The following ICE2 variants were observed in gnomAD, a reference collection of about 807,000 sequenced individuals.
ICE2 encodes little elongation complex subunit 2.
In ICE2, 87 loss-of-function variants were observed where a neutral mutation model predicts 105.4. The observed-to-expected ratio is 0.83, with a 90% CI of 0.69 to 0.99. ICE2 has a LOEUF of 0.99. ICE2 is among the 50% of genes least tolerant of loss of function. The probability of loss-of-function intolerance (pLI) is 0.00; values close to 1 mark genes in which losing one functional copy is unlikely to be tolerated. For synonymous variants in ICE2, 399 were observed against 392.0 expected, an observed-to-expected ratio of 1.02 and a Z score of -0.21; for missense variants, 1,323 against 1,146.7, an observed-to-expected ratio of 1.15 and a Z score of -2.22.
At chr15:60,477,888 A>G in intron 2 of ICE2, 49 bp downstream of exon 2, 1 of 1,465,878 alleles carries the variant, frequency 6.8e-7, no homozygotes. Flanking sequence ...GTCAACCATC[A>G]GCCCCACTAC....
intron 3 of ICE2, among the ~76,000 whole-genome samples, chr15:60,471,737 C>T (rs1218339926): frequency 6.6e-6 from 1 of 151,612 alleles, no homozygotes; most frequent in African/African-American, 2.4e-5. Context: ...AAGTTTTGCC[C>T]CTGCATTTTG....
intron 1 of ICE2, among the ~76,000 whole-genome samples, chr15:60,478,283 A>G (rs1158789697): frequency 6.6e-6 from 1 of 152,226 alleles, no homozygotes; most frequent in Non-Finnish European, 1.5e-5. Context: ...TGTTACTCTC[A>G]GGACACTCAC....
intron 11 of ICE2, among the ~76,000 whole-genome samples, chr15:60,444,092 C>G (rs562458421): frequency 1.4e-3 from 210 of 152,170 alleles, no homozygotes; most frequent in African/African-American, 4.8e-3. Flanking sequence ...CACAGCAAGA[C>G]TCTTGTCTCT....
chr15:60,444,631 T>C (rs991577245), intron 11 of ICE2, among the ~76,000 whole-genome samples: 4 of 152,218 alleles, frequency 2.6e-5, no homozygotes, highest in African/African-American at 7.2e-5. Context: ...TTCATAATCA[T>C]GTATTGAACT....
intron 1 of ICE2, chr15:60,478,480 A>G (rs748815605): frequency 5.6e-6 from 1 of 178,428 alleles, no homozygotes; most frequent in Non-Finnish European, 1.2e-5. Context: ...AGCTACCTCG[A>G]TATCAGGAAT....
chr15:60,455,128 A>G lies in ICE2; in HGVS notation c.818T>C (p.Val273Ala). The G allele has an allele frequency of 1.3e-6, 2 of 1,588,838 alleles. No individual in the cohort carries two copies. The highest frequency in any genetic ancestry group is 1.7e-6 in the Non-Finnish European group (2 of 1,172,482). Residue 273 changes from valine (V) to alanine (A), a missense_variant, in exon 8 of 16, where the codon GTT (valine) becomes GCT (alanine). Val to Ala is a moderately conservative substitution (Grantham distance 64). Transcript: ENST00000261520. ...AGCTATCTGAGGGTGATATCTGGAA[A>G]CAAGCTTCTCTGCATTTGGATCTTT... is the stretch of plus-strand genomic sequence containing the variant. ...ISKDPNAEKL[V>A]SRYHPQIALT...
chr15:60,451,117 T>A, intron 9 of ICE2: 2 of 791,370 alleles, frequency 2.5e-6, no homozygotes, highest in Non-Finnish European at 3.1e-6. Context: ...ATTTTTATTG[T>A]ACAAACTGAA....
chr15:60,450,248 G>A (rs2063933363), intron 9 of ICE2, among the ~76,000 whole-genome samples: 1 of 152,330 alleles, frequency 6.6e-6, no homozygotes, highest in East Asian at 1.9e-4. Flanking sequence ...CAGGAGGAAA[G>A]TCCCTCTGCC....
At chr15:60,475,437 C>T (rs1475168987) in intron 3 of ICE2, among the ~76,000 whole-genome samples, 3 of 151,916 alleles carry the variant, frequency 2.0e-5, no homozygotes, top group Admixed American at 6.6e-5. Context: ...TAAAAATTCA[C>T]CAATATATTG....
intron 5 of ICE2, among the ~76,000 whole-genome samples, chr15:60,464,402 G>A (rs2064365062): frequency 6.6e-6 from 1 of 152,008 alleles, no homozygotes; most frequent in South Asian, 2.1e-4. Context: ...AGGACAATAA[G>A]CAAAAATAAA....
Position 60,453,629 on chromosome 15 carries a change from G to C in ICE2, c.1099C>G (p.Pro367Ala), listed in dbSNP as rs1211735731. The stretch of plus-strand genomic sequence containing the variant: ...TCCATTTCAGATATAAACTCTTCAG[G>C]TTTGTCCATAAAGACTGCAGAGACT... The part of the protein sequence containing the change: ...VPVSAVFMDK[P>A]EEFISEMDMS... The change falls in exon 9 of 16, where the codon CCT (proline) becomes GCT (alanine). Residue 367 changes from proline (P) to alanine (A), a missense_variant. Physicochemically the swap from Pro to Ala is conservative, Grantham distance 27. Coordinates refer to ENST00000261520, the MANE Select transcript of ICE2 (RefSeq NM_024611.6). 1 of 1,613,128 alleles carries C rather than the reference G, an allele frequency of 6.2e-7. No homozygotes were observed. The highest frequency in any genetic ancestry group is 8.5e-7 in the Non-Finnish European group (1 of 1,179,382).
In ICE2 at chr15:60,451,718, T is replaced by A. The variant is rs918675037; in HGVS notation, c.1126-1877A>T. ...TCATTTACTTCTGGTTCACCCTGAC[T>A]CCTGAGGTGCAGCCCCTTTGGGGTC... On this transcript the variant is annotated intron_variant, in intron 9 of 15. Transcript: ENST00000261520. 21 of 597,480 alleles carry A rather than the reference T, an allele frequency of 3.5e-5. No individual in the cohort carries two copies. In the South Asian group the frequency reaches 1.4e-3, roughly 41 times the overall value. The allele number at this position is 597,480 out of a possible 1,614,324, so 37.0% of individuals were successfully genotyped here.
At position 60,478,163 on chromosome 15, in the gene ICE2, T is replaced by A. The variant is rs1215095291; in HGVS notation, c.-92-94A>T. ...AGAATCTCTCCCTAAACATCTACCC[T>A]CAACAGACTGTGGCACCTAAAACAG... On this transcript the variant is annotated intron_variant, in intron 1 of 15. Transcript: ENST00000261520. 9.9e-6 allele frequency: 6 copies of A among 609,036 alleles called. No homozygotes were observed. The South Asian group carries it at 1.2e-4, about 12-fold the overall frequency. 37.7% of individuals were successfully genotyped at this position (609,036 alleles called of 1,614,324 possible). A position where few individuals can be genotyped will look rare whatever the true frequency, so the allele number is the denominator to read the frequency against.
chr15:60,466,819 T>C (rs1430065126), intron 4 of ICE2, 106 bp from the exon 5 acceptor site: 4 of 907,212 alleles, frequency 4.4e-6, no homozygotes, highest in Non-Finnish European at 6.6e-6. Context: ...ATAATTAAAG[T>C]ATCAAATCCA....
Position 60,449,553 on chromosome 15 carries a change from T to C in ICE2, c.1414A>G (p.Thr472Ala). The change falls in exon 10 of 16, where the codon ACT (threonine) becomes GCT (alanine). Residue 472 changes from threonine (T) to alanine (A), a missense_variant. Thr to Ala is a moderately conservative substitution (Grantham distance 58, BLOSUM62 0). Coordinates refer to ENST00000261520, the MANE Select transcript of ICE2 (RefSeq NM_024611.6). ...EQLQKEKQLVTGMDGGPEECK... is the reference protein window; with the variant it reads ...EQLQKEKQLVAGMDGGPEECK... The stretch of plus-strand genomic sequence containing the variant: ...TCCTCAGGGCCACCATCCATACCAG[T>C]GACCAGCTGTTTCTCCTTTTGCAAT... The C allele has an allele frequency of 1.9e-6, 3 of 1,614,188 alleles. No individual in the cohort carries two copies. Among genetic ancestry groups the C allele is most frequent in the African/African-American group, 1.3e-5 (1 of 75,050 alleles).
chr15:60,447,930 T>C, intron 11 of ICE2, 40 bp downstream of exon 11: 1 of 1,506,100 alleles, frequency 6.6e-7, no homozygotes, highest in South Asian at 1.2e-5. Flanking sequence ...CTATTGATTA[T>C]TTATGTGATC....
chr15:60,465,094 T>C (rs1203367211), intron 5 of ICE2, among the ~76,000 whole-genome samples: 3 of 152,190 alleles, frequency 2.0e-5, no homozygotes, highest in South Asian at 2.1e-4. Flanking sequence ...CCTTTGGATA[T>C]ATTTAGGTTC....
rs948843706 is a variant in ICE2, at chr15:60,421,041, T to C, written c.*2593A>G. ...GGTGAGATCTGAAAAAACAAGGCTATGAGAGAATAACTGTGGGGACCTACT... is the reference window on the plus strand; with the variant it reads ...GGTGAGATCTGAAAAAACAAGGCTACGAGAGAATAACTGTGGGGACCTACT... On this transcript the variant is annotated 3_prime_UTR_variant, in exon 16 of 16. Coordinates refer to ENST00000261520, the MANE Select transcript of ICE2 (RefSeq NM_024611.6). 2 of 151,704 alleles carry C rather than the reference T, an allele frequency of 1.3e-5. No individual in the cohort carries two copies. Among genetic ancestry groups the C allele is most frequent in the Non-Finnish European group, 2.9e-5 (2 of 67,994 alleles). 9.4% of individuals were successfully genotyped at this position (151,704 alleles called of 1,614,324 possible).
rs2063385528 is a variant in ICE2 at position 60,428,497 on chromosome 15, G to A, written c.2752C>T (p.His918Tyr). The A allele has an allele frequency of 6.2e-7, 1 of 1,613,912 alleles. No individual in the cohort carries two copies. The highest frequency in any genetic ancestry group is 1.3e-5 in the African/African-American group (1 of 74,922). The part of the protein sequence containing the change: ...PLDPSLLLPY[H>Y]IHHGRIPCTF... ...CAAGGTATTCTTCCATGATGGATAT[G>A]ATATGGTAATAACAGGCTGGGATCT... The change falls in exon 15 of 16, where the codon CAT (histidine) becomes TAT (tyrosine). Residue 918 changes from histidine to tyrosine, a missense_variant. Physicochemically the swap from His to Tyr is moderately conservative, Grantham distance 83 (BLOSUM62 2). Transcript: ENST00000261520.
Sources: allele counts gnomAD v4.1 joint callset (sites outside exome capture counted in the v4.1 genomes callset), GRCh38; gene constraint gnomAD v4.1.1; transcripts MANE v1.5; gene names NCBI Gene and HGNC (gene_info 2026-07-23, HGNC 2026-07-21).